GLRA1: variants seen among roughly 807,000 people sequenced by gnomAD.
GLRA1 encodes glycine receptor subunit alpha-1.
GLRA1 carries 37 observed loss-of-function variants against 48.3 expected under a neutral mutation model. That is an observed-to-expected ratio of 0.77 (90% CI 0.59 to 1.01). The LOEUF is 1.01. GLRA1 is among the 50% of genes least tolerant of loss of function. The pLI, the probability that GLRA1 is intolerant of heterozygous loss-of-function variation, is 0.00. For synonymous variants in GLRA1, 196 were observed against 210.7 expected (o/e 0.93, Z 0.60); for missense variants, 427 against 571.0 (o/e 0.75, Z 2.57).
intron 1 of GLRA1, among the ~76,000 whole-genome samples, chr5:151,918,121 T>G (rs1474834978): frequency 6.6e-6 from 1 of 152,138 alleles, no homozygotes; most frequent in Non-Finnish European, 1.5e-5. Context: ...GTAAGGAGTT[T>G]CAAAAGCTTT....
At chr5:151,922,790 T>C (rs1345646385) in intron 1 of GLRA1, among the ~76,000 whole-genome samples, 1 of 152,232 alleles carries the variant, frequency 6.6e-6, no homozygotes, top group African/African-American at 2.4e-5. Flanking sequence ...AAGCATTGCA[T>C]ACTGCTCATC....
intron 2 of GLRA1, 35 bp downstream of exon 2, chr5:151,892,276 T>C (rs776466454): frequency 1.1e-5 from 17 of 1,607,876 alleles, no homozygotes; most frequent in Non-Finnish European, 1.4e-5. Context: ...TGGGAAAGCA[T>C]TTCCCTGTGG....
chr5:151,828,987 G>T lies in GLRA1; in HGVS notation c.993C>A (p.Ala331=). 6.2e-7 allele frequency: 1 copy of T among 1,614,070 alleles called. No homozygotes were observed. The highest frequency in any genetic ancestry group is 8.5e-7 in the Non-Finnish European group (1 of 1,179,972). ...TATGTTGCCGAGACACAAAGTTAAC[G>T]GCAGCATATTCTAATAGGGCTGAGA... ...FVFSALLEYA[A]VNFVSRQHKE... The change falls in exon 8 of 9, where the codon GCC becomes GCA. Residue 331 remains alanine (A), a synonymous_variant. Transcript: ENST00000274576.
At chr5:151,854,231 A>G (rs1171034789) in intron 6 of GLRA1, among the ~76,000 whole-genome samples, 2 of 152,210 alleles carry the variant, frequency 1.3e-5, no homozygotes, top group East Asian at 3.9e-4. Context: ...TGACTCAGAA[A>G]GAGGCAGCTA....
chr5:151,920,805 G>T (rs1368694666), intron 1 of GLRA1, among the ~76,000 whole-genome samples: 1 of 152,110 alleles, frequency 6.6e-6, no homozygotes, highest in Non-Finnish European at 1.5e-5. Flanking sequence ...AATGCAGCAG[G>T]TAAGATTCAA....
chr5:151,869,579 G>T (rs1275321339), intron 3 of GLRA1, among the ~76,000 whole-genome samples: 1 of 140,562 alleles, frequency 7.1e-6, no homozygotes, highest in Non-Finnish European at 1.5e-5. Context: ...CCTGTACTTG[G>T]TGGCAAGCAC....
Position 151,851,555 on chromosome 5 carries a change from A to G in GLRA1, c.747T>C (p.Gly249=), listed in dbSNP as rs1441470047. The G allele has an allele frequency of 1.2e-6, 2 of 1,613,954 alleles. No homozygotes were observed. The highest frequency in any genetic ancestry group is 1.7e-5 in the Admixed American group (1 of 60,002). Reference sequence around the variant, plus strand: ...GAATATACATCTGAATCAGGTAGTAACCCATCTGCCGCTCCAGGTGGAACC... The same window carrying G: ...GAATATACATCTGAATCAGGTAGTAGCCCATCTGCCGCTCCAGGTGGAACC... ...EARFHLERQM[G]YYLIQMYIPS... Residue 249 remains glycine, a synonymous_variant, in exon 7 of 9, where the codon GGT becomes GGC. Transcript: ENST00000274576.
At chr5:151,921,057 G>C (rs748003368) in intron 1 of GLRA1, among the ~76,000 whole-genome samples, 1 of 152,316 alleles carries the variant, frequency 6.6e-6, no homozygotes, top group East Asian at 1.9e-4. Context: ...GTTAGCAGTT[G>C]AGTGGCATAT....
intron 7 of GLRA1, chr5:151,850,705 C>G: frequency 8.8e-7 from 1 of 1,141,978 alleles, no homozygotes. Flanking sequence ...GCCCCTCTGC[C>G]ACTGCGAACC....
chr5:151,832,259 A>C (rs1763444731), intron 7 of GLRA1, among the ~76,000 whole-genome samples: 1 of 152,182 alleles, frequency 6.6e-6, no homozygotes, highest in African/African-American at 2.4e-5. Flanking sequence ...AAGGATCACA[A>C]CTCCTTGCCA....
chr5:151,822,797 A>G lies in GLRA1; in HGVS notation c.1226T>C (p.Ile409Thr). ...TTTGTCGATCTTCTTGGCCCTCTGG[A>G]TGAAGAGTTTTCGCATCTCCTCTGG... is the stretch of plus-strand genomic sequence containing the variant. Reference protein sequence around the residue: ...KSPEEMRKLFIQRAKKIDKIS... With the variant: ...KSPEEMRKLFTQRAKKIDKIS... Residue 409 changes from isoleucine to threonine, a missense_variant, in exon 9 of 9, where the codon ATC (isoleucine) becomes ACC (threonine). Coordinates refer to ENST00000274576, the MANE Select transcript of GLRA1 (RefSeq NM_000171.4). 6.2e-7 allele frequency: 1 copy of G among 1,614,080 alleles called. No homozygotes were observed. Among genetic ancestry groups the G allele is most frequent in the Non-Finnish European group, 8.5e-7 (1 of 1,179,992 alleles).
intron 3 of GLRA1, among the ~76,000 whole-genome samples, chr5:151,865,133 C>A (rs1753299107): frequency 6.6e-6 from 1 of 152,168 alleles, no homozygotes; most frequent in Admixed American, 6.5e-5. Flanking sequence ...ACTGAGCTCT[C>A]TTAAGTGCCA....
intron 1 of GLRA1, among the ~76,000 whole-genome samples, chr5:151,903,679 C>A (rs971488503): frequency 1.3e-5 from 2 of 152,184 alleles, no homozygotes; most frequent in African/African-American, 4.8e-5. Flanking sequence ...CTATCATCTC[C>A]ATTTTATAGA....
chr5:151,865,840 C>A (rs1753321833), intron 3 of GLRA1, among the ~76,000 whole-genome samples: 1 of 152,218 alleles, frequency 6.6e-6, no homozygotes, highest in Admixed American at 6.5e-5. Context: ...CCTGCCCTAG[C>A]AGCCGCTACC....
chr5:151,822,649 G>C lies in GLRA1; in HGVS notation c.*24C>G, dbSNP rs1439799591. The C allele has an allele frequency of 2.6e-6, 4 of 1,560,876 alleles. No homozygotes were observed. Among genetic ancestry groups the C allele is most frequent in the Middle Eastern group, 1.7e-4 (1 of 5,856 alleles). On this transcript the variant is annotated 3_prime_UTR_variant, in exon 9 of 9. Coordinates refer to ENST00000274576, the MANE Select transcript of GLRA1 (RefSeq NM_000171.4). ...GCTATTCCCACGTTCCCCTCTCCCA[G>C]CCTCCCCCAACCTTTCAGACCCTTC...
rs1164297673 is a variant in GLRA1, at chr5:151,822,707, T to C, written c.1316A>G (p.Lys439Arg). The C allele has an allele frequency of 3.7e-6, 6 of 1,613,724 alleles. No homozygotes were observed. The South Asian group carries it at 5.5e-5, about 15-fold the overall frequency. Residue 439 changes from lysine to arginine, a missense_variant, in exon 9 of 9, where the codon AAG becomes AGG. Around this residue, in one of 4 missense-constraint regions of GLRA1, gnomAD observed 121 missense variants for 96.5 expected, o/e 1.25. Coordinates refer to ENST00000274576, the MANE Select transcript of GLRA1 (RefSeq NM_000171.4). Reference sequence around the variant, plus strand: ...GTGGACGTCCTCTCTACGGACAATCTTGTAGATGATCCAGTAGAACATGTT... The same window carrying C: ...GTGGACGTCCTCTCTACGGACAATCCTGTAGATGATCCAGTAGAACATGTT... ...IFNMFYWIIY[K>R]IVRREDVHNQ
At chr5:151,891,334 G>A (rs1754063902) in intron 2 of GLRA1, among the ~76,000 whole-genome samples, 1 of 152,206 alleles carries the variant, frequency 6.6e-6, no homozygotes. Flanking sequence ...TTCCCATAGG[G>A]TTATGAGAGG....
chr5:151,881,322 CT>C (rs10714651), intron 3 of GLRA1, among the ~76,000 whole-genome samples: 75,482 of 132,976 alleles, frequency 0.57, 20,729 homozygotes, highest in East Asian at 0.67. Context: ...TTTGTTTTTC[CT>C]TTTTTTTTTT....
chr5:151,854,652 C>G (rs988695193), intron 6 of GLRA1, among the ~76,000 whole-genome samples: 8 of 152,242 alleles, frequency 5.3e-5, no homozygotes, highest in Admixed American at 2.0e-4. Context: ...AGTGACACCT[C>G]TCAGCTCCCT....
Sources: allele counts gnomAD v4.1 joint callset (sites outside exome capture counted in the v4.1 genomes callset), GRCh38; gene constraint gnomAD v4.1.1; regional missense constraint gnomAD v4.1.1; transcripts MANE v1.5; gene names NCBI Gene and HGNC (gene_info 2026-07-23, HGNC 2026-07-21).